DNAH7: variants seen among roughly 807,000 people sequenced by gnomAD.
DNAH7 encodes the protein dynein axonemal heavy chain 7.
A neutral mutation model predicts 444.6 loss-of-function variants in DNAH7; 397 were observed. That is an observed-to-expected ratio of 0.89 (90% CI 0.82 to 0.97). The LOEUF is 0.97. Ranked by LOEUF, DNAH7 falls within the 50% of genes least tolerant of loss-of-function variation. The pLI is 0.00. For missense variants in DNAH7, 4,902 were observed against 4,800.8 expected (o/e 1.02, Z -0.62); for synonymous variants, 1,636 against 1,624.4 (o/e 1.01, Z -0.17).
chr2:195,804,939 T>A, intron 54 of DNAH7, among the ~76,000 whole-genome samples: 1 of 152,170 alleles, frequency 6.6e-6, no homozygotes, highest in East Asian at 1.9e-4. Context: ...GCAAAGTAGC[T>A]GAAAGAAGTA....
At chr2:196,067,616 A>C (rs1698499438) in intron 1 of DNAH7, among the ~76,000 whole-genome samples, 1 of 152,172 alleles carries the variant, frequency 6.6e-6, no homozygotes, top group Non-Finnish European at 1.5e-5. Context: ...TCAGGTATTA[A>C]TTACTTATTT....
chr2:195,982,987 T>A (rs1269382684), intron 15 of DNAH7, among the ~76,000 whole-genome samples: 2 of 152,190 alleles, frequency 1.3e-5, no homozygotes, highest in East Asian at 3.8e-4. Context: ...TGTAATTGGA[T>A]TGTCTGAAAC....
chr2:195,966,925 G>A (rs927778614), intron 17 of DNAH7, among the ~76,000 whole-genome samples: 32 of 151,948 alleles, frequency 2.1e-4, no homozygotes, highest in Non-Finnish European at 3.8e-4. Flanking sequence ...TATATCTTTT[G>A]ATTAGAGAAG....
chr2:195,935,815 A>C (rs1689010202), intron 20 of DNAH7, among the ~76,000 whole-genome samples: 1 of 152,144 alleles, frequency 6.6e-6, no homozygotes, highest in African/African-American at 2.4e-5. Flanking sequence ...TAAAGGAAGA[A>C]GTATGATGAA....
intron 15 of DNAH7, 46 bp from the exon 16 acceptor site, chr2:195,972,512 A>C: frequency 1.2e-4 from 169 of 1,420,854 alleles, no homozygotes; most frequent in Non-Finnish European, 1.5e-4. Flanking sequence ...CGAACAGCTC[A>C]TGTCACGAAA....
intron 10 of DNAH7, among the ~76,000 whole-genome samples, chr2:196,011,380 G>C (rs908017662): frequency 6.6e-6 from 1 of 151,996 alleles, no homozygotes; most frequent in African/African-American, 2.4e-5. Flanking sequence ...AAATTGTCAA[G>C]AAAATATAAA....
chr2:195,817,879 GTC>G (rs1697297452), intron 49 of DNAH7, 50 bp from the exon 50 acceptor site: 10 of 1,417,928 alleles, frequency 7.1e-6, no homozygotes, highest in Non-Finnish European at 8.5e-6. Flanking sequence ...CTGTTAAAAA[GTC>G]TCTGCTTTTA....
Position 195,899,626 on chromosome 2 carries a change from T to C in DNAH7, c.4548+656A>G, listed in dbSNP as rs531305454. ...CTATTGTTCTTAATCACATAGGATATAATTTAAAATCTGTATCTTCTACAA... is the reference window on the plus strand; with the variant it reads ...CTATTGTTCTTAATCACATAGGATACAATTTAAAATCTGTATCTTCTACAA... On this transcript the variant is annotated intron_variant, in intron 28 of 64. Coordinates refer to ENST00000312428, the MANE Select transcript of DNAH7 (RefSeq NM_018897.3). Among the ~76,000 whole-genome samples the C allele has an allele frequency of 1.7e-3, 254 of 152,332 alleles. 1 individual carries two copies. Among genetic ancestry groups the C allele is most frequent in the African/African-American group, 5.9e-3 (247 of 41,564 alleles).
intron 35 of DNAH7, among the ~76,000 whole-genome samples, chr2:195,883,524 A>C (rs1363467849): frequency 6.6e-6 from 1 of 151,198 alleles, no homozygotes; most frequent in Non-Finnish European, 1.5e-5. Context: ...ATGCTGGGAC[A>C]ATCACATTAA....
chr2:196,012,369 G>A (rs1213760823), intron 10 of DNAH7, among the ~76,000 whole-genome samples: 2 of 151,942 alleles, frequency 1.3e-5, no homozygotes, highest in Non-Finnish European at 2.9e-5. Flanking sequence ...TCATTTAAAC[G>A]ATATACTTTC....
rs1300154885 is a variant in DNAH7, at chr2:196,047,221, T to C, written c.398+131A>G. On this transcript the variant is annotated intron_variant, in intron 5 of 64. Transcript: ENST00000312428. ...AACTCAATCTCTTTCATTCTTTATT[T>C]ATACTCTGACCTCATTCCAACAAGC... The C allele has an allele frequency of 1.1e-5, 7 of 648,474 alleles. No individual in the cohort carries two copies. In the East Asian group the frequency reaches 2.2e-4, roughly 20 times the overall value. The allele number at this position is 648,474 out of a possible 1,614,324, so 40.2% of individuals were successfully genotyped here.
chr2:195,863,689 A>C (rs1316651072), intron 41 of DNAH7, among the ~76,000 whole-genome samples: 1 of 152,000 alleles, frequency 6.6e-6, no homozygotes, highest in Non-Finnish European at 1.5e-5. Flanking sequence ...TCTGGTTCCT[A>C]TTCCTGTTGG....
chr2:196,028,824 G>C (rs1053721309), intron 5 of DNAH7, among the ~76,000 whole-genome samples: 8 of 152,196 alleles, frequency 5.3e-5, no homozygotes, highest in Non-Finnish European at 1.0e-4. Flanking sequence ...TAACTGCCCA[G>C]TGAGGGGAGA....
In DNAH7 at chr2:195,853,458, C is replaced by T. The variant is rs752692000; in HGVS notation, c.8666G>A (p.Arg2889Gln). ...LIGGLGGEKT[R>Q]WSHTALELGQ... Reference sequence around the variant, plus strand: ...TAGCTCCAGAGCTGTGTGGCTCCATCGAGTTTTCTCACCTCCAAGGCCTCC... The same window carrying T: ...TAGCTCCAGAGCTGTGTGGCTCCATTGAGTTTTCTCACCTCCAAGGCCTCC... The change falls in exon 46 of 65, where the codon CGA becomes CAA. Residue 2889 changes from arginine (R) to glutamine (Q), a missense_variant. By Grantham distance (43) the Arg-to-Gln change is conservative. Coordinates refer to ENST00000312428, the MANE Select transcript of DNAH7 (RefSeq NM_018897.3). 3 of 1,614,066 alleles carry T rather than the reference C, an allele frequency of 1.9e-6. No individual in the cohort carries two copies. The highest frequency in any genetic ancestry group is 1.6e-4 in the Middle Eastern group (1 of 6,062).
intron 24 of DNAH7, among the ~76,000 whole-genome samples, chr2:195,916,929 C>T (rs1017640786): frequency 1.1e-4 from 16 of 151,442 alleles, no homozygotes; most frequent in African/African-American, 3.9e-4. Flanking sequence ...GAAACCCCGT[C>T]TCTACTAAAC....
intron 17 of DNAH7, among the ~76,000 whole-genome samples, chr2:195,963,381 A>C (rs1691244937): frequency 6.6e-6 from 1 of 152,188 alleles, no homozygotes; most frequent in African/African-American, 2.4e-5. Flanking sequence ...ACACCTTTCC[A>C]AATGTCTATT....
At chr2:195,952,897 A>C (rs549206454) in intron 19 of DNAH7, among the ~76,000 whole-genome samples, 2 of 151,874 alleles carry the variant, frequency 1.3e-5, no homozygotes, top group East Asian at 3.9e-4. Flanking sequence ...AGCTTGGAGG[A>C]GTTTGTTATT....
chr2:195,861,583 A>G, intron 42 of DNAH7, 134 bp downstream of exon 42: 1 of 694,480 alleles, frequency 1.4e-6, no homozygotes, highest in Non-Finnish European at 2.4e-6. Flanking sequence ...TGTGGATTAA[A>G]TAATTTAAAG....
intron 60 of DNAH7, among the ~76,000 whole-genome samples, 195 bp downstream of exon 60, chr2:195,775,651 A>G (rs1176600): frequency 0.048 from 7,181 of 150,026 alleles, 451 homozygotes; most frequent in East Asian, 0.26. Context: ...GATAGATGAA[A>G]AAAAAAAAAA....
Sources: allele counts gnomAD v4.1 joint callset (sites outside exome capture counted in the v4.1 genomes callset), GRCh38; gene constraint gnomAD v4.1.1; transcripts MANE v1.5; gene names NCBI Gene and HGNC (gene_info 2026-07-23, HGNC 2026-07-21).